RBFOX3: variants seen among roughly 807,000 people sequenced by gnomAD.
The protein encoded by RBFOX3 is RNA binding protein fox-1 homolog 3.
Under a neutral mutation model 48.7 loss-of-function variants are expected in RBFOX3, and 17 were observed. The ratio of observed to expected loss-of-function variants is 0.35; its 90% CI spans 0.24 to 0.52. RBFOX3 has a LOEUF of 0.52. Among genes scored for constraint, RBFOX3 ranks in the 20% least tolerant of loss-of-function variants. The pLI, the probability that RBFOX3 is intolerant of heterozygous loss-of-function variation, is 0.94. For synonymous variants in RBFOX3, 212 were observed against 209.5 expected (o/e 1.01, Z -0.10); for missense variants, 382 against 497.5 (o/e 0.77, Z 2.21).
intron 2 of RBFOX3, among the ~76,000 whole-genome samples, chr17:79,431,260 A>G (rs781851464): frequency 1.3e-5 from 2 of 152,204 alleles, no homozygotes; most frequent in African/African-American, 2.4e-5. Flanking sequence ...CTTTACAAAT[A>G]CTGAACCATT....
chr17:79,232,006 A>C (rs1400005622), intron 4 of RBFOX3, among the ~76,000 whole-genome samples: 1 of 152,230 alleles, frequency 6.6e-6, no homozygotes, highest in African/African-American at 2.4e-5. Flanking sequence ...ACCTCTTCAC[A>C]GGGCGGCAGG....
chr17:79,377,312 C>T (rs908804514), intron 2 of RBFOX3, among the ~76,000 whole-genome samples: 7 of 152,174 alleles, frequency 4.6e-5, no homozygotes, highest in Admixed American at 3.3e-4. Flanking sequence ...TGCATGGACA[C>T]GTGCACACGG....
intron 2 of RBFOX3, among the ~76,000 whole-genome samples, chr17:79,342,457 T>G (rs191348775): frequency 3.5e-4 from 54 of 152,320 alleles, no homozygotes; most frequent in African/African-American, 1.2e-3. Flanking sequence ...AGGCAATATG[T>G]TAAGCAGGAG....
Position 79,409,308 on chromosome 17 carries a change from G to A in RBFOX3, c.-175+73146C>T, listed in dbSNP as rs557767792. Among the ~76,000 whole-genome samples the A allele has an allele frequency of 8.3e-4, 126 of 152,240 alleles. 1 individual carries two copies. Among genetic ancestry groups the A allele is most frequent in the African/African-American group, 2.7e-3 (113 of 41,536 alleles). On this transcript the variant is annotated intron_variant, in intron 2 of 14. Coordinates refer to ENST00000693108, the MANE Select transcript of RBFOX3 (RefSeq NM_001350451.2). ...TCTTGCAAACGGTGCTCCTACAAAC[G>A]TGTGCACACATGGATTTCTTTGAGC...
chr17:79,273,510 C>T (rs1329862240), intron 3 of RBFOX3, among the ~76,000 whole-genome samples: 1 of 151,544 alleles, frequency 6.6e-6, no homozygotes, highest in African/African-American at 2.4e-5. Context: ...CCCAGTGGTC[C>T]CCCAGTGAAA....
At chr17:79,495,771 G>A (rs1290655933) in intron 1 of RBFOX3, among the ~76,000 whole-genome samples, 2 of 150,776 alleles carry the variant, frequency 1.3e-5, no homozygotes, top group Middle Eastern at 3.5e-3. Flanking sequence ...CGGGGCAGGG[G>A]AGGGGTGCAG....
At chr17:79,457,908 A>G (rs1426240924) in intron 2 of RBFOX3, among the ~76,000 whole-genome samples, 1 of 152,216 alleles carries the variant, frequency 6.6e-6, no homozygotes, top group East Asian at 1.9e-4. Flanking sequence ...GTGGCAGTCA[A>G]TGGATTCCTC....
chr17:79,270,855 A>C (rs1299503219), intron 3 of RBFOX3, among the ~76,000 whole-genome samples: 1 of 152,264 alleles, frequency 6.6e-6, no homozygotes, highest in African/African-American at 2.4e-5. Context: ...ACTACACGCC[A>C]TCTTCATCCC....
intron 2 of RBFOX3, among the ~76,000 whole-genome samples, chr17:79,448,452 CAGAAG>C (rs1188044548): frequency 6.6e-6 from 1 of 152,134 alleles, no homozygotes; most frequent in Non-Finnish European, 1.5e-5. Flanking sequence ...TCATAAGAAA[CAGAAG>C]AGAAGAATGA....
chr17:79,228,363 T>C (rs527615615), intron 4 of RBFOX3, among the ~76,000 whole-genome samples: 8 of 152,252 alleles, frequency 5.3e-5, no homozygotes, highest in African/African-American at 1.9e-4. Flanking sequence ...GAAATTACTC[T>C]GCCCAAGCGG....
At chr17:79,487,283 G>A (rs1206930918) in intron 1 of RBFOX3, among the ~76,000 whole-genome samples, 1 of 152,202 alleles carries the variant, frequency 6.6e-6, no homozygotes, top group Non-Finnish European at 1.5e-5. Context: ...CCTGGGCAAG[G>A]GCAGAGAAGG....
intron 1 of RBFOX3, among the ~76,000 whole-genome samples, chr17:79,529,502 G>A (rs782024323): frequency 6.6e-6 from 1 of 152,216 alleles, no homozygotes; most frequent in Non-Finnish European, 1.5e-5. Context: ...GCTAGCTAAA[G>A]TGGGGGCGGG....
At chr17:79,283,790 C>T (rs913847221) in intron 3 of RBFOX3, among the ~76,000 whole-genome samples, 2 of 152,238 alleles carry the variant, frequency 1.3e-5, no homozygotes, top group Non-Finnish European at 2.9e-5. Context: ...TTTCTTTGTG[C>T]TTTGTTGGAT....
At chr17:79,365,840 C>T (rs1247827527) in intron 2 of RBFOX3, among the ~76,000 whole-genome samples, 1 of 152,214 alleles carries the variant, frequency 6.6e-6, no homozygotes, top group African/African-American at 2.4e-5. Context: ...GTCTGCTGCC[C>T]GAGAGGGAAG....
chr17:79,175,948 C>T (rs1208446290), intron 4 of RBFOX3, among the ~76,000 whole-genome samples: 1 of 152,214 alleles, frequency 6.6e-6, no homozygotes, highest in Non-Finnish European at 1.5e-5. Flanking sequence ...GGCTCGCATA[C>T]ACCCTCACAG....
At position 79,392,507 on chromosome 17, in the gene RBFOX3, C is replaced by T. The variant is rs1204002219; in HGVS notation, c.-174-84683G>A. Among the ~76,000 whole-genome samples, 1 of 152,172 alleles carries T rather than the reference C, an allele frequency of 6.6e-6. No homozygotes were observed. The highest frequency in any genetic ancestry group is 1.5e-5 in the Non-Finnish European group (1 of 68,036). ...TGAGGTTGTTCATAATCTCCTGGCT[C>T]CTGTTCCTGCTGGAGCCACGGGGAG... On this transcript the variant is annotated intron_variant, in intron 2 of 14. Transcript: ENST00000693108. The surrounding 1 kb of genome is among the most constrained non-coding windows in gnomAD (Gnocchi z 5.0).
At chr17:79,151,044 T>C (rs574654454) in intron 4 of RBFOX3, among the ~76,000 whole-genome samples, 2 of 152,202 alleles carry the variant, frequency 1.3e-5, no homozygotes, top group African/African-American at 4.8e-5. Context: ...GCTCCGCAAG[T>C]GCTCAGCACA....
Position 79,443,150 on chromosome 17 carries a change from C to T in RBFOX3, c.-175+39304G>A, listed in dbSNP as rs529001216. ...TCAGCCTCCCATGTCGCCTCCCCAA[C>T]CAGCCACCTGGGAACCCGAGGAAGT... On this transcript the variant is annotated intron_variant, in intron 2 of 14. Coordinates refer to ENST00000693108, the MANE Select transcript of RBFOX3 (RefSeq NM_001350451.2). The surrounding 1 kb of genome is among the most constrained non-coding windows in gnomAD (Gnocchi z 4.4). Among the ~76,000 whole-genome samples, 1 of 152,220 alleles carries T rather than the reference C, an allele frequency of 6.6e-6. No homozygotes were observed. The highest frequency in any genetic ancestry group is 2.1e-4 in the South Asian group (1 of 4,834).
chr17:79,382,774 C>A (rs1218114452), intron 2 of RBFOX3, among the ~76,000 whole-genome samples: 3 of 152,200 alleles, frequency 2.0e-5, no homozygotes, highest in Non-Finnish European at 4.4e-5. Context: ...TCCTTGCAGC[C>A]TGATGCAAAA....
Sources: gnomAD v4.1 joint callset for allele counts (sites outside exome capture counted in the v4.1 genomes callset) on GRCh38, gnomAD v4.1.1 for gene constraint, Gnocchi (gnomAD v3.1) non-coding constraint, MANE v1.5 for transcripts, NCBI Gene and HGNC (gene_info 2026-07-23, HGNC 2026-07-21) for gene names.